The following ARMH3 variants were observed in gnomAD, a reference collection of about 807,000 sequenced individuals.
ARMH3 encodes the protein armadillo-like helical domain-containing protein 3.
ARMH3 carries 60 observed loss-of-function variants against 99.1 expected under a neutral mutation model. The ratio of observed to expected loss-of-function variants is 0.61; its 90% CI spans 0.49 to 0.75. The LOEUF is 0.75. Among genes scored for constraint, ARMH3 ranks in the 30% least tolerant of loss-of-function variants. The probability of loss-of-function intolerance (pLI) is 0.00; values close to 1 mark genes in which losing one functional copy is unlikely to be tolerated. For synonymous variants in ARMH3, 285 were observed against 292.8 expected (o/e 0.97, Z 0.27); for missense variants, 679 against 843.1 (o/e 0.81, Z 2.41).
rs140222076 is a variant in ARMH3, at chr10:102,026,792, G to A, written c.415-1544C>T. ...AAGCAGGAAAGATGTACACACTAGC[G>A]TAAGATATATACACTAATGCCACAC... On this transcript the variant is annotated intron_variant, in intron 5 of 25. Coordinates refer to ENST00000370033, the MANE Select transcript of ARMH3 (RefSeq NM_024541.3). 5.0e-4 allele frequency among the ~76,000 whole-genome samples: 76 copies of A among 152,298 alleles called. 1 individual carries two copies. In the East Asian group the frequency reaches 0.013, roughly 27 times the overall value.
chr10:101,905,126 G>A (rs527581021), intron 23 of ARMH3, among the ~76,000 whole-genome samples: 2 of 152,184 alleles, frequency 1.3e-5, no homozygotes, highest in South Asian at 2.1e-4. Flanking sequence ...GGGCTCCACA[G>A]ACACATTTGG....
intron 23 of ARMH3, among the ~76,000 whole-genome samples, chr10:101,934,826 G>A (rs1270057725): frequency 6.6e-6 from 1 of 152,074 alleles, no homozygotes; most frequent in East Asian, 1.9e-4. Context: ...AAGGTTAATA[G>A]CAGACATCTT....
intron 23 of ARMH3, among the ~76,000 whole-genome samples, chr10:101,916,160 A>T (rs1843079460): frequency 6.6e-6 from 1 of 152,166 alleles, no homozygotes; most frequent in South Asian, 2.1e-4. Flanking sequence ...AGAAGAAATA[A>T]CAAAGCTTTA....
intron 20 of ARMH3, among the ~76,000 whole-genome samples, chr10:101,961,422 T>C (rs535572463): frequency 5.9e-5 from 9 of 152,232 alleles, no homozygotes; most frequent in Admixed American, 5.2e-4. Context: ...GATATGGACA[T>C]TAAAGGGAGC....
At chr10:102,009,542 G>A (rs1005646586) in intron 12 of ARMH3, 93 bp from the exon 13 acceptor site, 40 of 1,073,068 alleles carry the variant, frequency 3.7e-5, no homozygotes, top group South Asian at 2.1e-4. Flanking sequence ...GCACCCCAGC[G>A]CCTCATTATC....
rs368989224 is a variant in ARMH3 at position 101,868,204 on chromosome 10, T to C, written c.1861-18312A>G. On this transcript the variant is annotated intron_variant, in intron 24 of 25. Transcript: ENST00000370033. ...TAAACAGAAGAAGACATGAGGGAGA[T>C]GCGTTCTTCCCCAACCAGTGCCAGA... Among the ~76,000 whole-genome samples, 4 of 151,918 alleles carry C rather than the reference T, an allele frequency of 2.6e-5. No homozygotes were observed. In the East Asian group the frequency reaches 7.7e-4, roughly 29 times the overall value.
chr10:101,865,949 G>T (rs993194718), intron 24 of ARMH3, among the ~76,000 whole-genome samples: 1 of 151,374 alleles, frequency 6.6e-6, no homozygotes, highest in African/African-American at 2.4e-5. Context: ...GGCTGGGTGC[G>T]GTGGCTCACG....
intron 24 of ARMH3, among the ~76,000 whole-genome samples, chr10:101,878,294 T>C (rs2067318658): frequency 6.6e-6 from 1 of 152,092 alleles, no homozygotes; most frequent in Non-Finnish European, 1.5e-5. Context: ...TTCCGTGTGC[T>C]ACCTTTTAGA....
chr10:102,044,172 C>A (rs1208405397), intron 1 of ARMH3, among the ~76,000 whole-genome samples: 22 of 150,838 alleles, frequency 1.5e-4, no homozygotes, highest in African/African-American at 5.4e-4. Context: ...CAGCTCACTG[C>A]AAGCTCCGCC....
intron 10 of ARMH3, 49 bp from the exon 11 acceptor site, chr10:102,011,832 T>G (rs757431065): frequency 6.0e-6 from 9 of 1,493,222 alleles, no homozygotes; most frequent in East Asian, 4.5e-5. Context: ...ATCAATTATG[T>G]CTTTGTCCTT....
chr10:101,870,728 T>G (rs1009813537), intron 24 of ARMH3, among the ~76,000 whole-genome samples: 1 of 152,276 alleles, frequency 6.6e-6, no homozygotes, highest in African/African-American at 2.4e-5. Flanking sequence ...CTTCCCCAAC[T>G]CATTTTTTAA....
chr10:101,924,974 TAGAG>T (rs1437864444), intron 23 of ARMH3, among the ~76,000 whole-genome samples: 2 of 151,996 alleles, frequency 1.3e-5, no homozygotes, highest in East Asian at 1.9e-4. Flanking sequence ...GGCCTGGCAA[TAGAG>T]AGAGACTCCG....
chr10:101,946,569 C>T (rs924058007), intron 22 of ARMH3, among the ~76,000 whole-genome samples: 1 of 151,796 alleles, frequency 6.6e-6, no homozygotes, highest in Non-Finnish European at 1.5e-5. Context: ...AATAGACTGA[C>T]AAAGGAGTCA....
Position 101,849,836 on chromosome 10 carries a change from GC to G in ARMH3, c.1916del (p.Gly639AlafsTer57). ...CTGAGTAGCGCTCATACTGGTCCAG[GC>G]CATCCTGCAGCTTCAGCGTGAGCGT... ...YDTLTLKLQD[G>X]LDQYERYSEQ... is the part of the protein sequence containing the mutation. On this transcript the variant is annotated frameshift_variant, in exon 25 of 26. Coordinates refer to ENST00000370033, the MANE Select transcript of ARMH3 (RefSeq NM_024541.3). LOFTEE classifies it high-confidence loss of function. 1 of 1,614,142 alleles carries G rather than the reference GC, an allele frequency of 6.2e-7. No individual in the cohort carries two copies. Among genetic ancestry groups the G allele is most frequent in the Non-Finnish European group, 8.5e-7 (1 of 1,180,034 alleles).
chr10:101,951,727 G>T (rs1194045720), intron 22 of ARMH3, among the ~76,000 whole-genome samples: 5 of 152,204 alleles, frequency 3.3e-5, no homozygotes, highest in African/African-American at 1.2e-4. Context: ...AATTAGCCAG[G>T]TGTGGAGGCA....
At chr10:101,976,418 A>T (rs1315060208) in intron 19 of ARMH3, among the ~76,000 whole-genome samples, 32 of 149,416 alleles carry the variant, frequency 2.1e-4, no homozygotes, top group Middle Eastern at 3.5e-3. Flanking sequence ...TCTCTCACAC[A>T]CACACACACG....
At chr10:101,893,966 A>T (rs1412685322) in intron 23 of ARMH3, among the ~76,000 whole-genome samples, 1 of 152,158 alleles carries the variant, frequency 6.6e-6, no homozygotes, top group Non-Finnish European at 1.5e-5. Flanking sequence ...AATGAAGATA[A>T]AATCATCTTC....
At chr10:101,905,576 T>C (rs894581422) in intron 23 of ARMH3, among the ~76,000 whole-genome samples, 23 of 152,134 alleles carry the variant, frequency 1.5e-4, no homozygotes, top group African/African-American at 4.1e-4. Flanking sequence ...GGGAAGACAT[T>C]CTAGGTAAAA....
intron 19 of ARMH3, among the ~76,000 whole-genome samples, chr10:101,985,766 C>T (rs958881049): frequency 3.9e-5 from 6 of 152,022 alleles, no homozygotes; most frequent in Non-Finnish European, 8.8e-5. Flanking sequence ...CCTGTAATCC[C>T]AGCACTTTGG....
Sources: allele counts gnomAD v4.1 joint callset (sites outside exome capture counted in the v4.1 genomes callset), GRCh38; gene constraint gnomAD v4.1.1; transcripts MANE v1.5; gene names NCBI Gene and HGNC (gene_info 2026-07-23, HGNC 2026-07-21).